Variants in MISFA observed in about 807,000 individuals in gnomAD.
The protein encoded by MISFA is mitochondrial sheath formation associated, also known as mitochondrial sheath formation-associated protein.
At chr11:18,604,883 A>G in the MISFA span, among the ~76,000 whole-genome samples, 3 of 152,138 alleles carry the variant, frequency 2.0e-5, no homozygotes, top group Non-Finnish European at 2.9e-5. Flanking sequence ...GCCAAGGAAA[A>G]GAGCCAAACA....
the MISFA span, chr11:18,609,864 A>G: frequency 6.2e-7 from 1 of 1,614,044 alleles, no homozygotes; most frequent in Non-Finnish European, 8.5e-7. Flanking sequence ...GCAGCAGCTA[A>G]CGCCTCTTCA....
the MISFA span, among the ~76,000 whole-genome samples, chr11:18,604,609 CAG>C: frequency 2.0e-5 from 3 of 149,852 alleles, no homozygotes; most frequent in African/African-American, 7.4e-5. Context: ...GCCTGGGTGA[CAG>C]AGTGAGACTC....
the MISFA span, chr11:18,607,177 G>A: frequency 1.2e-5 from 2 of 163,660 alleles, no homozygotes; most frequent in South Asian, 3.2e-4. Flanking sequence ...TTACTTTTTT[G>A]TTAACGGTCT....
the MISFA span, among the ~76,000 whole-genome samples, chr11:18,604,892 CAA>C: frequency 1.4e-4 from 22 of 152,248 alleles, no homozygotes; most frequent in East Asian, 3.9e-4. Flanking sequence ...AAGAGCCAAA[CAA>C]GAGACTGTGG....
the MISFA span, chr11:18,601,184 A>C: frequency 1.5e-5 from 6 of 398,770 alleles, no homozygotes; most frequent in Non-Finnish European, 2.7e-5. Flanking sequence ...TGCTGCAGTA[A>C]GTGGGTGGTC....
the MISFA span, chr11:18,609,354 T>C: frequency 6.5e-6 from 1 of 153,564 alleles, no homozygotes. Flanking sequence ...AATTCTACTC[T>C]ACATTTTCAA....
chr11:18,606,583 C>T, the MISFA span: 1 of 299,410 alleles, frequency 3.3e-6, no homozygotes, highest in South Asian at 2.7e-5. Context: ...TTTAATTACT[C>T]CAAAGAAATC....
chr11:18,600,605 C>T, the MISFA span, among the ~76,000 whole-genome samples: 1 of 143,788 alleles, frequency 7.0e-6, no homozygotes, highest in South Asian at 2.2e-4. Context: ...ACTGCAAGCT[C>T]TGCCTCCTGG....
At chr11:18,603,341 G>A in the MISFA span, 4 of 395,818 alleles carry the variant, frequency 1.0e-5, no homozygotes, top group Middle Eastern at 6.3e-4. Context: ...GCTGTTGGGA[G>A]GGTTCCCATT....
chr11:18,607,305 A>C, the MISFA span: 1 of 152,872 alleles, frequency 6.5e-6, no homozygotes, highest in Non-Finnish European at 1.5e-5. Context: ...AAGTAGCCTT[A>C]AAAGAAGTGC....
chr11:18,606,137 T>C, the MISFA span, among the ~76,000 whole-genome samples: 1 of 152,198 alleles, frequency 6.6e-6, no homozygotes, highest in Non-Finnish European at 1.5e-5. Flanking sequence ...ACTAAAAGAT[T>C]CCATTGCTCT....
At chr11:18,607,026 A>G in the MISFA span, 2 of 251,324 alleles carry the variant, frequency 8.0e-6, no homozygotes, top group East Asian at 1.7e-4. Flanking sequence ...GCACCCGGCT[A>G]ATTTTTTTAT....
the MISFA span, among the ~76,000 whole-genome samples, chr11:18,604,864 C>T: frequency 4.0e-4 from 61 of 152,296 alleles, no homozygotes; most frequent in Middle Eastern, 3.4e-3. Context: ...TCCCTTCACA[C>T]TTTCATGTGC....
At chr11:18,604,981 A>G in the MISFA span, among the ~76,000 whole-genome samples, 1 of 152,218 alleles carries the variant, frequency 6.6e-6, no homozygotes, top group Admixed American at 6.5e-5. Context: ...GGTGGCTCAC[A>G]CCTGTAATCC....
the MISFA span, chr11:18,609,710 C>T: frequency 1.5e-6 from 1 of 654,028 alleles, no homozygotes; most frequent in South Asian, 1.9e-5. Flanking sequence ...ATATTTTATG[C>T]TCAAATGACA....
chr11:18,605,229 G>A, the MISFA span, among the ~76,000 whole-genome samples: 2 of 147,374 alleles, frequency 1.4e-5, no homozygotes, highest in African/African-American at 4.9e-5. Flanking sequence ...GACAAAGCAA[G>A]ACCTTGTCTC....
the MISFA span, chr11:18,601,318 A>G: frequency 2.5e-6 from 1 of 397,922 alleles, no homozygotes; most frequent in East Asian, 3.6e-5. Context: ...TTTGGTGAGT[A>G]CTGCTGAGGA....
chr11:18,603,628 T>C, the MISFA span: 2 of 396,736 alleles, frequency 5.0e-6, no homozygotes, highest in African/African-American at 4.1e-5. Flanking sequence ...AAGCTCCCCT[T>C]GCATCCGGGA....
chr11:18,603,917 C>CTTTTT, the MISFA span: 72 of 52,988 alleles, frequency 1.4e-3, 9 homozygotes, highest in African/African-American at 1.8e-3. Context: ...AGTTACCGCA[C>CTTTTT]TTTTTTTTTT....
Sources: gnomAD v4.1 joint callset for allele counts (sites outside exome capture counted in the v4.1 genomes callset) on GRCh38, gnomAD v4.1.1 for gene constraint, MANE v1.5 for transcripts, NCBI Gene and HGNC (gene_info 2026-07-23, HGNC 2026-07-21) for gene names.